Variants in CEP83 observed in about 807,000 individuals in gnomAD.
CEP83 encodes the protein centrosomal protein of 83 kDa.
Under a neutral mutation model 101.9 loss-of-function variants are expected in CEP83, and 70 were observed. The ratio of observed to expected loss-of-function variants is 0.69; its 90% CI spans 0.57 to 0.84. CEP83 has a LOEUF of 0.84. CEP83 is among the 40% of genes least tolerant of loss of function. The probability of loss-of-function intolerance (pLI) is 0.00; values close to 1 mark genes in which losing one functional copy is unlikely to be tolerated. For synonymous variants in CEP83, 264 were observed against 267.9 expected (o/e 0.99, Z 0.14); for missense variants, 715 against 787.2 (o/e 0.91, Z 1.10).
chr12:94,305,132 G>A (rs1177949237), downstream of CEP83: 1 of 1,221,006 alleles, frequency 8.2e-7, no homozygotes, highest in South Asian at 1.3e-5. Flanking sequence ...AAACAGAATT[G>A]TAACGCTAAA....
At chr12:94,436,055 C>T (rs1317992467) in intron 1 of CEP83, among the ~76,000 whole-genome samples, 1 of 151,476 alleles carries the variant, frequency 6.6e-6, no homozygotes, top group Non-Finnish European at 1.5e-5. Flanking sequence ...CAAGGAATCA[C>T]CCTGTGGGAC....
the CEP83 span, among the ~76,000 whole-genome samples, chr12:94,298,020 T>C: frequency 6.6e-6 from 1 of 152,162 alleles, no homozygotes; most frequent in Admixed American, 6.6e-5. Context: ...AATGCTATGA[T>C]CTACACTTGG....
chr12:94,305,869 C>T (rs549585047), downstream of CEP83: 1 of 152,248 alleles, frequency 6.6e-6, no homozygotes, highest in South Asian at 2.1e-4. Flanking sequence ...AACAGTGTTG[C>T]AACATTGTTG....
At chr12:94,298,715 C>G in the CEP83 span, 1 of 1,613,166 alleles carries the variant, frequency 6.2e-7, no homozygotes, top group Non-Finnish European at 8.5e-7. Flanking sequence ...CTATAAAATA[C>G]TTTTTTGACT....
rs185571076 is a variant in CEP83 at position 94,373,556 on chromosome 12, A to C, written c.933+2330T>G. 2.6e-5 allele frequency among the ~76,000 whole-genome samples: 4 copies of C among 152,336 alleles called. No homozygotes were observed. The East Asian group carries it at 7.7e-4, about 29-fold the overall frequency. ...AATTACCCAATTAATTTAGGTAAATAAGGACAACTCTGTTGGGTGGCTTTC... is the reference window on the plus strand; with the variant it reads ...AATTACCCAATTAATTTAGGTAAATCAGGACAACTCTGTTGGGTGGCTTTC... On this transcript the variant is annotated intron_variant, in intron 8 of 16. Coordinates refer to ENST00000397809, the MANE Select transcript of CEP83 (RefSeq NM_016122.3).
chr12:94,333,788 TAGC>T (rs2059340197), intron 12 of CEP83, 149 bp from the exon 13 acceptor site: 1 of 638,570 alleles, frequency 1.6e-6, no homozygotes, highest in African/African-American at 1.9e-5. Flanking sequence ...AAATAACAAA[TAGC>T]AGCACCCAGG....
At chr12:94,452,517 A>G (rs1390237061) in intron 1 of CEP83, among the ~76,000 whole-genome samples, 1 of 152,194 alleles carries the variant, frequency 6.6e-6, no homozygotes, top group African/African-American at 2.4e-5. Flanking sequence ...ACAATCTTAG[A>G]ACCACCTATC....
chr12:94,458,205 GA>G (rs143189453), intron 1 of CEP83, among the ~76,000 whole-genome samples: 89 of 130,154 alleles, frequency 6.8e-4, no homozygotes, highest in African/African-American at 1.4e-3. Context: ...CTCAAAAAAA[GA>G]AAAAAAAAAA....
intron 11 of CEP83, among the ~76,000 whole-genome samples, chr12:94,364,677 A>C (rs1441840410): frequency 6.6e-6 from 1 of 152,192 alleles, no homozygotes; most frequent in East Asian, 1.9e-4. Flanking sequence ...GCACATGAAC[A>C]GACAACCAGA....
At chr12:94,276,284 T>C in the CEP83 span, among the ~76,000 whole-genome samples, 1 of 152,176 alleles carries the variant, frequency 6.6e-6, no homozygotes, top group African/African-American at 2.4e-5. Context: ...CCCGCCACCA[T>C]GAGAAGATCA....
intron 2 of CEP83, among the ~76,000 whole-genome samples, chr12:94,418,153 G>A (rs775423358): frequency 3.9e-5 from 6 of 152,264 alleles, no homozygotes; most frequent in Admixed American, 1.3e-4. Context: ...CTTGAGGCCA[G>A]GAGTTCGAGA....
chr12:94,411,686 T>C lies in CEP83; in HGVS notation c.324+11A>G, dbSNP rs2137782009. On this transcript the variant is annotated intron_variant, in intron 4 of 16. Coordinates refer to ENST00000397809, the MANE Select transcript of CEP83 (RefSeq NM_016122.3). ...TTTATACTAACTCAAAACTCAAATA[T>C]ATTTTCTCACCTGCAGTTTCATTTC... 1 of 1,585,092 alleles carries C rather than the reference T, an allele frequency of 6.3e-7. No homozygotes were observed. Among genetic ancestry groups the C allele is most frequent in the Non-Finnish European group, 8.6e-7 (1 of 1,166,436 alleles).
At chr12:94,268,647 TGCAGTGGC>T in the CEP83 span, among the ~76,000 whole-genome samples, 52 of 136,084 alleles carry the variant, frequency 3.8e-4, no homozygotes, top group African/African-American at 1.4e-3. Flanking sequence ...CAGGCTGGAG[TGCAGTGGC>T]GCAGTCTTGG....
intron 14 of CEP83, among the ~76,000 whole-genome samples, chr12:94,327,360 C>T (rs1477165887): frequency 6.6e-6 from 1 of 152,126 alleles, no homozygotes; most frequent in Non-Finnish European, 1.5e-5. Flanking sequence ...CATAACATCA[C>T]AATATAGCTT....
chr12:94,421,618 AT>A (rs1267264564), intron 2 of CEP83, among the ~76,000 whole-genome samples: 1 of 152,220 alleles, frequency 6.6e-6, no homozygotes, highest in Non-Finnish European at 1.5e-5. Flanking sequence ...ATGCACAAAT[AT>A]TATCTCCATG....
rs1007276754 is a variant in CEP83 at position 94,411,986 on chromosome 12, T to A, written c.174-139A>T. Reference sequence around the variant, plus strand: ...TTTAAACCCACAAGTATCTTTTATTTACAGAGTTTCATTTAATTATTAACA... The same window carrying A: ...TTTAAACCCACAAGTATCTTTTATTAACAGAGTTTCATTTAATTATTAACA... On this transcript the variant is annotated intron_variant, in intron 3 of 16. Transcript: ENST00000397809. 5.4e-6 allele frequency: 4 copies of A among 734,426 alleles called. No homozygotes were observed. In the African/African-American group the frequency reaches 7.2e-5, roughly 13 times the overall value. The allele number at this position is 734,426 out of a possible 1,614,324, so 45.5% of individuals were successfully genotyped here. A position where few individuals can be genotyped will look rare whatever the true frequency, so the allele number is the denominator to read the frequency against.
chr12:94,279,992 T>C, the CEP83 span: 33 of 401,484 alleles, frequency 8.2e-5, no homozygotes, highest in Non-Finnish European at 1.3e-4. Context: ...CAGTGCCCTC[T>C]GCGTGTGTTG....
At chr12:94,284,357 A>T in the CEP83 span, among the ~76,000 whole-genome samples, 1 of 152,192 alleles carries the variant, frequency 6.6e-6, no homozygotes, top group Non-Finnish European at 1.5e-5. Context: ...AAGTTAGTTC[A>T]GTCTACATCC....
intron 11 of CEP83, among the ~76,000 whole-genome samples, chr12:94,359,300 G>C (rs1394589639): frequency 6.6e-6 from 1 of 152,006 alleles, no homozygotes; most frequent in African/African-American, 2.4e-5. Context: ...AACTGAGCTG[G>C]TCTCGGCAAA....
Sources: gnomAD v4.1 joint callset for allele counts (sites outside exome capture counted in the v4.1 genomes callset) on GRCh38, gnomAD v4.1.1 for gene constraint, MANE v1.5 for transcripts, NCBI Gene and HGNC (gene_info 2026-07-23, HGNC 2026-07-21) for gene names.